Variants in OR7G2 observed in about 807,000 individuals in gnomAD.
The protein encoded by OR7G2 is olfactory receptor family 7 subfamily G member 2.
For missense variants in OR7G2, 362 were observed against 384.0 expected (o/e 0.94, Z 0.48); for synonymous variants, 153 against 152.2 (o/e 1.01, Z -0.04).
chr19:9,105,730 C>T (rs1004942747), intron 1 of OR7G2, among the ~76,000 whole-genome samples: 1 of 151,930 alleles, frequency 6.6e-6, no homozygotes, highest in African/African-American at 2.4e-5. Context: ...ACCTGCAATC[C>T]CAGCTACTTG....
intron 1 of OR7G2, among the ~76,000 whole-genome samples, chr19:9,104,440 T>C (rs893375376): frequency 2.0e-5 from 3 of 152,184 alleles, no homozygotes; most frequent in African/African-American, 7.2e-5. Context: ...CCAAAACAAA[T>C]GAATATAGAA....
intron 1 of OR7G2, among the ~76,000 whole-genome samples, chr19:9,104,635 G>T (rs1568299741): frequency 6.6e-6 from 1 of 151,924 alleles, no homozygotes; most frequent in Non-Finnish European, 1.5e-5. Context: ...AGACCATCCT[G>T]GCTAACACGG....
intron 1 of OR7G2, among the ~76,000 whole-genome samples, chr19:9,105,795 C>T (rs928032494): frequency 1.3e-5 from 2 of 149,828 alleles, no homozygotes; most frequent in African/African-American, 4.9e-5. Flanking sequence ...TGCAGTGTGC[C>T]AAGATTGTGC....
Position 9,102,947 on chromosome 19 carries a change from G to A in OR7G2, c.297C>T (p.Thr99=), listed in dbSNP as rs779898485. 5.0e-6 allele frequency: 8 copies of A among 1,614,202 alleles called. No individual in the cohort carries two copies. The South Asian group carries it at 8.8e-5, about 18-fold the overall frequency. The change falls in exon 2 of 2, where the codon ACC becomes ACT. Residue 99 remains threonine (T), a synonymous_variant. Transcript: ENST00000641081. The part of the protein sequence containing the change: ...NRSITYSGCL[T]QICFVLFFAG... ...CAAAAAACAAGACAAAGCAGATCTG[G>A]GTGAGGCAGCCTGAGTACGTGATGC...
chr19:9,104,124 TGATCC>T (rs2050372735), intron 1 of OR7G2, among the ~76,000 whole-genome samples: 1 of 152,148 alleles, frequency 6.6e-6, no homozygotes, highest in African/African-American at 2.4e-5. Flanking sequence ...TGACTTCAAG[TGATCC>T]GCCTGCCTCA....
At position 9,101,311 on chromosome 19, in the gene OR7G2, A is replaced by G. The variant is rs2050352673; in HGVS notation, c.*958T>C. On this transcript the variant is annotated 3_prime_UTR_variant, in exon 2 of 2. Coordinates refer to ENST00000641081, the MANE Select transcript of OR7G2 (RefSeq NM_001005193.2). ...TCCGTCTCAGCAAAACAAAAAACAA[A>G]AAACCTAAACTAAACAAAAAACCAA... is the stretch of plus-strand genomic sequence containing the variant. 1 of 152,082 alleles carries G rather than the reference A, an allele frequency of 6.6e-6. No individual in the cohort carries two copies. The highest frequency in any genetic ancestry group is 2.4e-5 in the African/African-American group (1 of 41,364). The allele number at this position is 152,082 out of a possible 1,614,324, so 9.4% of individuals were successfully genotyped here.
chr19:9,101,410 TAA>T lies in OR7G2; in HGVS notation c.*857_*858del. 6.6e-6 allele frequency: 1 copy of T among 151,314 alleles called. No homozygotes were observed. Among genetic ancestry groups the T allele is most frequent in the Non-Finnish European group, 1.5e-5 (1 of 67,750 alleles). The allele number at this position is 151,314 out of a possible 1,614,324, so 9.4% of individuals were successfully genotyped here. A position where few individuals can be genotyped will look rare whatever the true frequency, so the allele number is the denominator to read the frequency against. ...TTTTCTTCTTCTGAGACTAATCCAT[TAA>T]AAAAAAATCACTTAGCCAGGAGCGG... is the stretch of plus-strand genomic sequence containing the variant. On this transcript the variant is annotated 3_prime_UTR_variant, in exon 2 of 2. Coordinates refer to ENST00000641081, the MANE Select transcript of OR7G2 (RefSeq NM_001005193.2).
intron 1 of OR7G2, among the ~76,000 whole-genome samples, chr19:9,105,440 C>T (rs935324583): frequency 6.6e-6 from 1 of 152,152 alleles, no homozygotes; most frequent in Non-Finnish European, 1.5e-5. Context: ...GTTCAACATA[C>T]AGAAATCAAT....
chr19:9,102,744 G>A lies in OR7G2; in HGVS notation c.500C>T (p.Ser167Phe), dbSNP rs1332899328. 1.2e-6 allele frequency: 2 copies of A among 1,614,080 alleles called. No homozygotes were observed. Among genetic ancestry groups the A allele is most frequent in the Non-Finnish European group, 1.7e-6 (2 of 1,180,000 alleles). ...CGGGATTTCCAGGTCTGTGCAGAAG[G>A]ACAGCCTCAACACCATCAGGCTGAG... ...LLLSLMVLRL[S>F]FCTDLEIPLF... The change falls in exon 2 of 2, where the codon TCC (serine) becomes TTC (phenylalanine). Residue 167 changes from serine (S) to phenylalanine (F), a missense_variant. Transcript: ENST00000641081.
At chr19:9,106,394 C>T (rs2050386154) in intron 1 of OR7G2, among the ~76,000 whole-genome samples, 2 of 148,388 alleles carry the variant, frequency 1.3e-5, no homozygotes, top group Admixed American at 1.4e-4. Flanking sequence ...CACTGCACTC[C>T]AGCCTGGGTG....
At chr19:9,103,867 T>A (rs1467418715) in intron 1 of OR7G2, among the ~76,000 whole-genome samples, 1 of 21,038 alleles carries the variant, frequency 4.8e-5, no homozygotes, top group African/African-American at 1.5e-4. Context: ...TGTGGAAATG[T>A]TTTTTTTTTT....
Position 9,106,469 on chromosome 19 carries a change from A to G in OR7G2, c.-17+845T>C, listed in dbSNP as rs1408668835. On this transcript the variant is annotated intron_variant, in intron 1 of 1. Coordinates refer to ENST00000641081, the MANE Select transcript of OR7G2 (RefSeq NM_001005193.2). ...CACACAATTCACCATCCTTGATTAGATATTTTTATTGCAAAAAGTAAAAAA... is the reference window on the plus strand; with the variant it reads ...CACACAATTCACCATCCTTGATTAGGTATTTTTATTGCAAAAAGTAAAAAA... Among the ~76,000 whole-genome samples, 5 of 149,106 alleles carry G rather than the reference A, an allele frequency of 3.4e-5. No homozygotes were observed. The Admixed American group carries it at 3.4e-4, about 10-fold the overall frequency.
rs369042639 is a variant in OR7G2, at chr19:9,102,770, A to G, written c.474T>C (p.Leu158=). The G allele has an allele frequency of 1.9e-6, 3 of 1,614,016 alleles. No homozygotes were observed. Among genetic ancestry groups the G allele is most frequent in the Non-Finnish European group, 2.5e-6 (3 of 1,180,038 alleles). Residue 158 remains leucine (L), a synonymous_variant, in exon 2 of 2, where the codon CTT becomes CTC. Transcript: ENST00000641081. The part of the protein sequence containing the change: ...SLLTSVVNAL[L]LSLMVLRLSF... ...ACAGCCTCAACACCATCAGGCTGAG[A>G]AGAAGGGCATTCACAACACTAGTCA...
In OR7G2 at chr19:9,101,011, G is replaced by T. The variant is rs1268376043; in HGVS notation, c.*1258C>A. Reference sequence around the variant, plus strand: ...CACTGGACGTGGTGGTGCATGCCTGGAGTCCTAGCTTCCTAGGAGGCTGAG... The same window carrying T: ...CACTGGACGTGGTGGTGCATGCCTGTAGTCCTAGCTTCCTAGGAGGCTGAG... On this transcript the variant is annotated 3_prime_UTR_variant, in exon 2 of 2. Coordinates refer to ENST00000641081, the MANE Select transcript of OR7G2 (RefSeq NM_001005193.2). 6.6e-6 allele frequency: 1 copy of T among 152,274 alleles called. No homozygotes were observed. Among genetic ancestry groups the T allele is most frequent in the Non-Finnish European group, 1.5e-5 (1 of 68,186 alleles). The allele number at this position is 152,274 out of a possible 1,614,324, so 9.4% of individuals were successfully genotyped here. A position where few individuals can be genotyped will look rare whatever the true frequency, so the allele number is the denominator to read the frequency against.
intron 1 of OR7G2, among the ~76,000 whole-genome samples, chr19:9,103,501 C>CTT (rs201971532): frequency 5.6e-3 from 664 of 118,920 alleles, no homozygotes; most frequent in Non-Finnish European, 7.3e-3. Flanking sequence ...ATGTGGAAAT[C>CTT]TTTTTTTTTT....
At chr19:9,105,447 C>T (rs913154258) in intron 1 of OR7G2, among the ~76,000 whole-genome samples, 6 of 152,126 alleles carry the variant, frequency 3.9e-5, no homozygotes, top group Non-Finnish European at 7.4e-5. Flanking sequence ...ATACAGAAAT[C>T]AATAAATGTG....
intron 1 of OR7G2, among the ~76,000 whole-genome samples, chr19:9,106,885 TA>T (rs2050389358): frequency 6.6e-6 from 1 of 151,978 alleles, no homozygotes; most frequent in South Asian, 2.1e-4. Flanking sequence ...TTCCAAATAA[TA>T]ACAATGGCAT....
chr19:9,101,506 G>A lies in OR7G2; in HGVS notation c.*763C>T, dbSNP rs1433407543. The A allele has an allele frequency of 1.3e-5, 2 of 151,492 alleles. No individual in the cohort carries two copies. The highest frequency in any genetic ancestry group is 2.9e-5 in the Non-Finnish European group (2 of 67,890). The allele number at this position is 151,492 out of a possible 1,614,324, so 9.4% of individuals were successfully genotyped here. On this transcript the variant is annotated 3_prime_UTR_variant, in exon 2 of 2. Transcript: ENST00000641081. The stretch of plus-strand genomic sequence containing the variant: ...CCGAGGCGAATGGATCACAAGGTCA[G>A]GAGATCGAGACCACCCTGGCCAGCA...
chr19:9,103,403 C>T, intron 1 of OR7G2, 144 bp from the exon 2 acceptor site: 3 of 697,680 alleles, frequency 4.3e-6, no homozygotes, highest in Non-Finnish European at 7.2e-6. Context: ...TATTCTTTCA[C>T]AAGCCTTGTA....
Sources: allele counts gnomAD v4.1 joint callset (sites outside exome capture counted in the v4.1 genomes callset), GRCh38; gene constraint gnomAD v4.1.1; transcripts MANE v1.5; gene names NCBI Gene and HGNC (gene_info 2026-07-23, HGNC 2026-07-21).